TAOK3: variants seen among roughly 807,000 people sequenced by gnomAD.
TAOK3 encodes TAO kinase 3.
TAOK3 carries 40 observed loss-of-function variants against 120.4 expected under a neutral mutation model. The observed-to-expected ratio is 0.33, with a 90% CI of 0.26 to 0.43. TAOK3 has a LOEUF of 0.43. Among genes scored for constraint, TAOK3 ranks in the 20% least tolerant of loss-of-function variants. The pLI, the probability that TAOK3 is intolerant of heterozygous loss-of-function variation, is 1.00. For missense variants in TAOK3, 821 were observed against 1,112.1 expected, an observed-to-expected ratio of 0.74 and a Z score of 3.72; for synonymous variants, 355 against 387.5, an observed-to-expected ratio of 0.92 and a Z score of 0.99.
At chr12:118,162,048 TA>T in intron 17 of TAOK3, 21 bp from the exon 18 acceptor site, 2 of 1,608,980 alleles carry the variant, frequency 1.2e-6, no homozygotes, top group South Asian at 1.1e-5. Flanking sequence ...GAACAAAAGA[TA>T]AACGGAGAGA....
rs528970010 is a variant in TAOK3 at position 118,294,057 on chromosome 12, C to T, written c.-193-27298G>A. Among the ~76,000 whole-genome samples the T allele has an allele frequency of 1.6e-4, 24 of 151,822 alleles. No homozygotes were observed. In the East Asian group the frequency reaches 3.1e-3, roughly 20 times the overall value. On this transcript the variant is annotated intron_variant, in intron 1 of 20. Coordinates refer to ENST00000392533, the MANE Select transcript of TAOK3 (RefSeq NM_016281.4). ...AAGGCTGTTATAACTGAGGTGGTGT[C>T]ATGAACCAAGTAGACAGCAGTGGAG...
chr12:118,217,263 C>G (rs2038953206), intron 9 of TAOK3, among the ~76,000 whole-genome samples: 1 of 152,124 alleles, frequency 6.6e-6, no homozygotes, highest in Admixed American at 6.5e-5. Context: ...CCAGAATGGA[C>G]AAGGTTGAAA....
chr12:118,340,698 C>A (rs2044578760), intron 1 of TAOK3, among the ~76,000 whole-genome samples: 1 of 151,862 alleles, frequency 6.6e-6, no homozygotes, highest in Non-Finnish European at 1.5e-5. Flanking sequence ...CCACAGCACT[C>A]CGTTATTTTG....
chr12:118,221,798 C>T (rs2039246935), intron 9 of TAOK3, among the ~76,000 whole-genome samples: 1 of 151,716 alleles, frequency 6.6e-6, no homozygotes, highest in African/African-American at 2.4e-5. Flanking sequence ...CCACGCCCGG[C>T]TAATTTTTTG....
chr12:118,196,545 A>AT (rs1311485102), intron 13 of TAOK3, among the ~76,000 whole-genome samples: 1 of 152,180 alleles, frequency 6.6e-6, no homozygotes, highest in South Asian at 2.1e-4. Flanking sequence ...AAGAAAAGAT[A>AT]TATCTGCTTG....
At chr12:118,252,391 T>TA (rs2040794363) in intron 3 of TAOK3, among the ~76,000 whole-genome samples, 1 of 152,014 alleles carries the variant, frequency 6.6e-6, no homozygotes, top group African/African-American at 2.4e-5. Context: ...ATAATCACCA[T>TA]AAAAATCAGA....
chr12:118,322,958 C>A (rs2043785250), intron 1 of TAOK3, among the ~76,000 whole-genome samples: 1 of 151,816 alleles, frequency 6.6e-6, no homozygotes, highest in Non-Finnish European at 1.5e-5. Flanking sequence ...ATGATCCACC[C>A]GCCTCAGCCT....
chr12:118,251,845 A>G (rs1189681523), intron 3 of TAOK3, among the ~76,000 whole-genome samples: 1 of 150,364 alleles, frequency 6.7e-6, no homozygotes, highest in Non-Finnish European at 1.5e-5. Context: ...TTTTTGAGAC[A>G]GAGTCTCACT....
chr12:118,345,095 C>T (rs932721389), intron 1 of TAOK3, among the ~76,000 whole-genome samples: 1 of 152,144 alleles, frequency 6.6e-6, no homozygotes, highest in Non-Finnish European at 1.5e-5. Context: ...GAACCATATC[C>T]ACTTTCTGGA....
intron 1 of TAOK3, among the ~76,000 whole-genome samples, chr12:118,316,411 C>G (rs184571178): frequency 6.6e-6 from 1 of 152,082 alleles, no homozygotes; most frequent in East Asian, 1.9e-4. Flanking sequence ...TATTTTGCCT[C>G]AAGGACATCA....
chr12:118,183,284 CCTTA>C (rs1449378626), intron 14 of TAOK3, among the ~76,000 whole-genome samples: 1 of 152,134 alleles, frequency 6.6e-6, no homozygotes, highest in Non-Finnish European at 1.5e-5. Context: ...TAAATTGAGT[CCTTA>C]CTAACAAGAG....
At chr12:118,162,142 A>T in intron 17 of TAOK3, 115 bp from the exon 18 acceptor site, 1 of 1,311,522 alleles carries the variant, frequency 7.6e-7, no homozygotes, top group Non-Finnish European at 1.1e-6. Flanking sequence ...TCTTAATTAA[A>T]CCCATTAGTG....
intron 1 of TAOK3, among the ~76,000 whole-genome samples, chr12:118,315,563 T>C (rs942908502): frequency 2.0e-5 from 3 of 152,138 alleles, no homozygotes; most frequent in African/African-American, 4.8e-5. Flanking sequence ...AAGAATGGAA[T>C]TGGAAAGAAG....
At chr12:118,363,018 C>CAAAAAAAAAAAAAAAAAAAAAAAAAA (rs60475060) in intron 1 of TAOK3, among the ~76,000 whole-genome samples, 1 of 45,862 alleles carries the variant, frequency 2.2e-5, no homozygotes, top group Admixed American at 3.5e-4. Context: ...GACTCCGTAT[C>CAAAAAAAAAAAAAAAAAAAAAAAAAA]AAAAAAAAAA....
intron 3 of TAOK3, among the ~76,000 whole-genome samples, chr12:118,250,131 T>C (rs1044339519): frequency 6.6e-6 from 1 of 152,100 alleles, no homozygotes; most frequent in Non-Finnish European, 1.5e-5. Context: ...TTTATTTTTT[T>C]AATTTTTTTT....
chr12:118,288,090 GACAA>G (rs2042329097), intron 1 of TAOK3, among the ~76,000 whole-genome samples: 1 of 151,410 alleles, frequency 6.6e-6, no homozygotes, highest in East Asian at 1.9e-4. Context: ...TTTTGTTTGG[GACAA>G]ACAAAATTTC....
In TAOK3 at chr12:118,243,476, T is replaced by G. The variant is rs1555229583; in HGVS notation, c.233A>C (p.Gln78Pro). The G allele has an allele frequency of 3.3e-6, 5 of 1,536,112 alleles. No homozygotes were observed. The Admixed American group carries it at 1.2e-4, about 37-fold the overall frequency. The change falls in exon 5 of 21, where the codon CAA becomes CCA. Residue 78 changes from glutamine to proline, a missense_variant. Gln to Pro is a moderately conservative substitution (Grantham distance 76). Coordinates refer to ENST00000392533, the MANE Select transcript of TAOK3 (RefSeq NM_016281.4). ...DILKEVKFLR[Q>P]LKHPNTIEYK... ...CTCAATAGTATTAGGATGCTTCAAT[T>G]GTCGTAAAAATTTAACTTCCTTAAG... is the stretch of plus-strand genomic sequence containing the variant.
At chr12:118,227,356 T>C (rs1183021644) in intron 9 of TAOK3, among the ~76,000 whole-genome samples, 1 of 148,538 alleles carries the variant, frequency 6.7e-6, no homozygotes, top group Non-Finnish European at 1.5e-5. Flanking sequence ...ATAAAATAAG[T>C]AATATTTTAT....
chr12:118,347,142 C>T (rs773051986), intron 1 of TAOK3, among the ~76,000 whole-genome samples: 10 of 152,114 alleles, frequency 6.6e-5, no homozygotes, highest in Non-Finnish European at 1.3e-4. Flanking sequence ...TAGCTGGGAC[C>T]GCAGACACGT....
Sources: gnomAD v4.1 joint callset for allele counts (sites outside exome capture counted in the v4.1 genomes callset) on GRCh38, gnomAD v4.1.1 for gene constraint, MANE v1.5 for transcripts, NCBI Gene and HGNC (gene_info 2026-07-23, HGNC 2026-07-21) for gene names.